MAML3: variants seen among roughly 807,000 people sequenced by gnomAD.
MAML3 encodes the protein mastermind-like protein 3.
MAML3 carries 27 observed loss-of-function variants against 101.9 expected under a neutral mutation model. The observed-to-expected ratio is 0.27, with a 90% CI of 0.20 to 0.37. The LOEUF is 0.37. MAML3 is among the 10% of genes least tolerant of loss of function. MAML3 has a pLI of 1.00. For missense variants in MAML3, 1,316 were observed against 1,444.9 expected, an observed-to-expected ratio of 0.91 and a Z score of 1.45; for synonymous variants, 501 against 555.9, an observed-to-expected ratio of 0.90 and a Z score of 1.39.
chr4:139,723,679 CAGGGGAATTATTA>C (rs2110966592), intron 4 of MAML3, among the ~76,000 whole-genome samples: 1 of 152,272 alleles, frequency 6.6e-6, no homozygotes, highest in African/African-American at 2.4e-5. Flanking sequence ...TTCTGTAACA[CAGGGGAATTATTA>C]AATAATTCCC....
Position 139,788,170 on chromosome 4 carries a change from C to T in MAML3, c.2080-57503G>A, listed in dbSNP as rs114687956. ...TCCTAAAATGTTTCCCATTTCTTTT[C>T]GATATTACATTGAAAACTCAGTGAG... is the stretch of plus-strand genomic sequence containing the variant. On this transcript the variant is annotated intron_variant, in intron 2 of 4. Transcript: ENST00000509479. Among the ~76,000 whole-genome samples the T allele has an allele frequency of 4.1e-3, 627 of 152,204 alleles. 1 individual carries two copies. Among genetic ancestry groups the T allele is most frequent in the African/African-American group, 0.015 (611 of 41,514 alleles).
intron 1 of MAML3, among the ~76,000 whole-genome samples, chr4:140,008,765 C>T (rs991913033): frequency 5.3e-5 from 8 of 152,072 alleles, no homozygotes; most frequent in Admixed American, 1.3e-4. Flanking sequence ...TTTATACACG[C>T]GCACACACAA....
At chr4:139,912,904 C>T (rs1732958916) in intron 1 of MAML3, among the ~76,000 whole-genome samples, 1 of 152,182 alleles carries the variant, frequency 6.6e-6, no homozygotes, top group Non-Finnish European at 1.5e-5. Flanking sequence ...TATTAAGCCA[C>T]CTAGTCTGTG....
chr4:139,942,171 A>AAGGCAGGCAGGCAGGC (rs561148147), intron 1 of MAML3, among the ~76,000 whole-genome samples: 17 of 76,862 alleles, frequency 2.2e-4, no homozygotes, highest in Middle Eastern at 5.6e-3. Context: ...GGAGGGAGGG[A>AAGGCAGGCAGGCAGGC]AGGCAGGCAG....
At chr4:140,092,116 A>ACG (rs1728069720) in intron 1 of MAML3, among the ~76,000 whole-genome samples, 3 of 134,888 alleles carry the variant, frequency 2.2e-5, no homozygotes, top group African/African-American at 8.3e-5. Context: ...ATATATATAT[A>ACG]TACGTATATA....
chr4:139,862,044 A>G (rs1731793918), intron 2 of MAML3, among the ~76,000 whole-genome samples: 2 of 152,178 alleles, frequency 1.3e-5, no homozygotes, highest in African/African-American at 4.8e-5. Context: ...CCCTGTCTCT[A>G]CTAAAAATAC....
intron 2 of MAML3, among the ~76,000 whole-genome samples, chr4:139,791,299 C>T (rs1730404237): frequency 6.6e-6 from 1 of 151,996 alleles, no homozygotes; most frequent in African/African-American, 2.4e-5. Flanking sequence ...GAGTTTGAGA[C>T]CAGTCTGGAC....
intron 2 of MAML3, among the ~76,000 whole-genome samples, chr4:139,830,569 C>T (rs1731145964): frequency 6.6e-6 from 1 of 151,898 alleles, no homozygotes; most frequent in Admixed American, 6.5e-5. Context: ...TGCCCGCCAC[C>T]ACGCCATGCT....
At chr4:139,778,272 A>G (rs1730128784) in intron 2 of MAML3, among the ~76,000 whole-genome samples, 1 of 152,238 alleles carries the variant, frequency 6.6e-6, no homozygotes, top group South Asian at 2.1e-4. Flanking sequence ...CATGGACTAG[A>G]TGATATTTTG....
At chr4:140,071,655 A>T (rs915603558) in intron 1 of MAML3, among the ~76,000 whole-genome samples, 37 of 151,572 alleles carry the variant, frequency 2.4e-4, no homozygotes, top group African/African-American at 8.7e-4. Flanking sequence ...CACAGTTTAA[A>T]AAAAAAAAAA....
At chr4:140,104,957 G>T (rs1287149113) in intron 1 of MAML3, among the ~76,000 whole-genome samples, 1 of 152,016 alleles carries the variant, frequency 6.6e-6, no homozygotes, top group African/African-American at 2.4e-5. Context: ...ATTAATTCAA[G>T]GCCTTTTCAG....
intron 2 of MAML3, among the ~76,000 whole-genome samples, chr4:139,753,710 G>C (rs1729581287): frequency 6.6e-6 from 1 of 152,186 alleles, no homozygotes; most frequent in South Asian, 2.1e-4. Flanking sequence ...AAGTCAAATA[G>C]ATGTTAAACT....
At chr4:139,900,788 A>G (rs961177242) in intron 1 of MAML3, among the ~76,000 whole-genome samples, 2 of 152,208 alleles carry the variant, frequency 1.3e-5, no homozygotes, top group African/African-American at 4.8e-5. Flanking sequence ...AAGTTGACTC[A>G]CTGCTTACTA....
intron 1 of MAML3, among the ~76,000 whole-genome samples, chr4:140,026,657 C>T (rs1726830149): frequency 6.6e-6 from 1 of 152,182 alleles, no homozygotes; most frequent in Non-Finnish European, 1.5e-5. Context: ...CCTCCTCTTT[C>T]CCCCTACACA....
chr4:139,810,518 G>C (rs1730778044), intron 2 of MAML3, among the ~76,000 whole-genome samples: 1 of 151,924 alleles, frequency 6.6e-6, no homozygotes, highest in Non-Finnish European at 1.5e-5. Context: ...ATATATATCT[G>C]TACAGGTCTT....
At chr4:139,867,591 A>G (rs1235297671) in intron 2 of MAML3, among the ~76,000 whole-genome samples, 2 of 152,240 alleles carry the variant, frequency 1.3e-5, no homozygotes, top group Admixed American at 1.3e-4. Context: ...ATAGTTGTTA[A>G]ACATCAAATG....
chr4:139,731,456 A>G (rs946105978), intron 2 of MAML3: 1 of 158,032 alleles, frequency 6.3e-6, no homozygotes, highest in African/African-American at 3.1e-5. Context: ...AAAAAAAAAA[A>G]AAAAAAAAAA....
At chr4:139,832,921 G>A (rs922337535) in intron 2 of MAML3, among the ~76,000 whole-genome samples, 9 of 152,154 alleles carry the variant, frequency 5.9e-5, no homozygotes, top group Admixed American at 1.3e-4. Context: ...GAAGGGAGAC[G>A]CATCTCCTTT....
chr4:139,976,126 T>C (rs962305142), intron 1 of MAML3, among the ~76,000 whole-genome samples: 20 of 152,218 alleles, frequency 1.3e-4, no homozygotes, highest in African/African-American at 2.7e-4. Flanking sequence ...CGTGCCATAC[T>C]TTCCTTTTAA....
Sources: gnomAD v4.1 joint callset for allele counts (sites outside exome capture counted in the v4.1 genomes callset) on GRCh38, gnomAD v4.1.1 for gene constraint, MANE v1.5 for transcripts, NCBI Gene and HGNC (gene_info 2026-07-23, HGNC 2026-07-21) for gene names.